The following GPM6A variants were observed in gnomAD, a reference collection of about 807,000 sequenced individuals.
The protein encoded by GPM6A is glycoprotein M6A.
Under a neutral mutation model 32.1 loss-of-function variants are expected in GPM6A, and 7 were observed. The ratio of observed to expected loss-of-function variants is 0.22; its 90% CI spans 0.12 to 0.41. The LOEUF is 0.41. Ranked by LOEUF, GPM6A falls within the 10% of genes least tolerant of loss-of-function variation. The pLI is 1.00. For missense variants in GPM6A, 235 were observed against 347.2 expected (o/e 0.68, Z 2.57); for synonymous variants, 130 against 123.4 (o/e 1.05, Z -0.35).
intron 1 of GPM6A, among the ~76,000 whole-genome samples, chr4:175,982,692 T>C (rs1275383785): frequency 3.9e-5 from 6 of 152,140 alleles, no homozygotes; most frequent in Admixed American, 3.9e-4. Context: ...ACTTCTCCAA[T>C]TCTGTTCATT....
chr4:175,677,097 T>C (rs1743413849), intron 2 of GPM6A, among the ~76,000 whole-genome samples: 1 of 152,174 alleles, frequency 6.6e-6, no homozygotes, highest in Non-Finnish European at 1.5e-5. Context: ...TTTAATCGTT[T>C]CTAATTTGCT....
At chr4:175,698,314 T>C (rs1744687046) in intron 2 of GPM6A, among the ~76,000 whole-genome samples, 2 of 152,134 alleles carry the variant, frequency 1.3e-5, no homozygotes, top group Non-Finnish European at 2.9e-5. Context: ...AGAAATAGAC[T>C]CTGTAAATTA....
At chr4:175,987,548 G>GTGTGTGTTTGT (rs1741016043) in intron 1 of GPM6A, among the ~76,000 whole-genome samples, 1 of 151,126 alleles carries the variant, frequency 6.6e-6, no homozygotes, top group Admixed American at 6.6e-5. Flanking sequence ...GTGTGTGTGT[G>GTGTGTGTTTGT]TGTGTTTGTC....
rs555191094 is a variant in GPM6A, at chr4:175,834,644, T to A, written c.-22-22395A>T. Among the ~76,000 whole-genome samples, 175 of 148,616 alleles carry A rather than the reference T, an allele frequency of 1.2e-3. 1 individual carries two copies. The highest frequency in any genetic ancestry group is 2.3e-3 in the Non-Finnish European group (151 of 66,900). On this transcript the variant is annotated intron_variant, in intron 1 of 7. Transcript: ENST00000280187. ...GTGCACTTTTCCCTTACCAAGAATT[T>A]AAAAAAAAAACAACTGTTTATAAGT...
chr4:175,835,938 GT>G (rs74503903), intron 1 of GPM6A, among the ~76,000 whole-genome samples: 18,499 of 151,470 alleles, frequency 0.12, 1,364 homozygotes, highest in Admixed American at 0.18. Context: ...AACGTGGAAA[GT>G]TTTTTGTAGG....
chr4:175,740,729 T>A (rs2111165099), intron 1 of GPM6A, among the ~76,000 whole-genome samples: 1 of 152,224 alleles, frequency 6.6e-6, no homozygotes, highest in Middle Eastern at 3.4e-3. Flanking sequence ...TCTTTTAGTT[T>A]TTAGAAGAGA....
chr4:175,999,099 A>G (rs1011073825), intron 1 of GPM6A, among the ~76,000 whole-genome samples: 2 of 152,218 alleles, frequency 1.3e-5, no homozygotes, highest in East Asian at 3.8e-4. Context: ...AACTTTTCAT[A>G]ATATCTGTCA....
intron 1 of GPM6A, among the ~76,000 whole-genome samples, chr4:175,893,949 C>T (rs1479306719): frequency 1.3e-5 from 2 of 152,104 alleles, no homozygotes; most frequent in Non-Finnish European, 2.9e-5. Context: ...GAGAGCTGCA[C>T]ACCTCACATT....
chr4:175,815,660 AG>A (rs1245827701), upstream of GPM6A, among the ~76,000 whole-genome samples: 2 of 151,554 alleles, frequency 1.3e-5, no homozygotes, highest in Admixed American at 1.3e-4. Flanking sequence ...GTTTGAGACC[AG>A]CCTAGGCAAC....
chr4:175,712,672 C>T (rs141199346), intron 1 of GPM6A, among the ~76,000 whole-genome samples: 2 of 152,250 alleles, frequency 1.3e-5, no homozygotes, highest in Non-Finnish European at 2.9e-5. Context: ...TAAATCAAGA[C>T]CTGACTGTAA....
At chr4:175,650,297 TATTTATTTA>T (rs1202597475) in intron 4 of GPM6A, among the ~76,000 whole-genome samples, 1 of 145,308 alleles carries the variant, frequency 6.9e-6, no homozygotes, top group Non-Finnish European at 1.5e-5. Flanking sequence ...TTTATTTATT[TATTTATTTA>T]TTTATTTATT....
intron 1 of GPM6A, among the ~76,000 whole-genome samples, chr4:175,760,036 C>T (rs1464475113): frequency 1.3e-5 from 2 of 151,778 alleles, no homozygotes; most frequent in African/African-American, 2.4e-5. Context: ...AAAAATTAGC[C>T]GGGTGTGATG....
intron 1 of GPM6A, among the ~76,000 whole-genome samples, chr4:175,835,518 C>A (rs992100895): frequency 3.3e-5 from 5 of 151,140 alleles, no homozygotes; most frequent in Non-Finnish European, 5.9e-5. Context: ...CCTTCTCTGT[C>A]CTCCATTTCT....
intron 2 of GPM6A, among the ~76,000 whole-genome samples, chr4:175,685,179 G>T (rs542136966): frequency 6.6e-6 from 1 of 152,140 alleles, no homozygotes; most frequent in African/African-American, 2.4e-5. Flanking sequence ...GTGAGCCACC[G>T]CGCCTGGCCT....
In GPM6A at chr4:175,753,017, A is replaced by G. The variant is rs150141362; in HGVS notation, c.38-51250T>C. Among the ~76,000 whole-genome samples the G allele has an allele frequency of 5.3e-5, 8 of 152,316 alleles. No homozygotes were observed. In the East Asian group the frequency reaches 1.4e-3, roughly 26 times the overall value. ...CATTAGTATTCCCATGCGCTGAAAC[A>G]TAGTGTCTACATTTCCCATATGGGA... On this transcript the variant is annotated intron_variant, in intron 1 of 6. Coordinates refer to ENST00000393658, the MANE Select transcript of GPM6A (RefSeq NM_201591.3).
rs1444651522 is a variant in GPM6A, at chr4:175,701,580, A to G, written c.225T>C (p.Phe75=). ...GAAATACTAGAGTGACTTACATGGT[A>G]AAAACATCCAGTGTGTCTCCAGCAG... The part of the protein sequence containing the change: ...ARTAGDTLDV[F]TMIDIFKYVI... The change falls in exon 2 of 7, where the codon TTT becomes TTC. Residue 75 remains phenylalanine (F), a synonymous_variant. Transcript: ENST00000393658. 1 of 1,610,610 alleles carries G rather than the reference A, an allele frequency of 6.2e-7. No individual in the cohort carries two copies.
intron 1 of GPM6A, among the ~76,000 whole-genome samples, chr4:175,754,689 A>G (rs1329704968): frequency 6.6e-6 from 1 of 152,194 alleles, no homozygotes; most frequent in Non-Finnish European, 1.5e-5. Flanking sequence ...CAGTATCTAG[A>G]AGTACATTCA....
chr4:175,858,311 C>T (rs1006756078), intron 1 of GPM6A, among the ~76,000 whole-genome samples: 5 of 152,092 alleles, frequency 3.3e-5, no homozygotes, highest in East Asian at 1.9e-4. Flanking sequence ...GTGAGCAGAT[C>T]GCCTGAGGTC....
Position 175,673,661 on chromosome 4 carries a change from A to C in GPM6A, c.387+19T>G. On this transcript the variant is annotated intron_variant, in intron 3 of 6. Coordinates refer to ENST00000393658, the MANE Select transcript of GPM6A (RefSeq NM_201591.3). ...GAAATCAATCCACATTAAATACTGA[A>C]TGTAGAGAACTAACATACCCAAGCG... 1 of 1,568,994 alleles carries C rather than the reference A, an allele frequency of 6.4e-7. No individual in the cohort carries two copies. The highest frequency in any genetic ancestry group is 8.7e-7 in the Non-Finnish European group (1 of 1,147,844).
Sources: gnomAD v4.1 joint callset for allele counts (sites outside exome capture counted in the v4.1 genomes callset) on GRCh38, gnomAD v4.1.1 for gene constraint, MANE v1.5 for transcripts, NCBI Gene and HGNC (gene_info 2026-07-23, HGNC 2026-07-21) for gene names.